The following DIAPH2 variants were observed in gnomAD, a reference collection of about 807,000 sequenced individuals.
DIAPH2 encodes the protein protein diaphanous homolog 2.
DIAPH2 carries 35 observed loss-of-function variants against 92.7 expected under a neutral mutation model. The observed-to-expected ratio is 0.38, with a 90% CI of 0.29 to 0.50. The LOEUF is 0.50. Among genes scored for constraint, DIAPH2 ranks in the 20% least tolerant of loss-of-function variants. The pLI, the probability that DIAPH2 is intolerant of heterozygous loss-of-function variation, is 0.94. For missense variants in DIAPH2, 701 were observed against 819.5 expected (o/e 0.86, Z 1.77); for synonymous variants, 301 against 280.4 (o/e 1.07, Z -0.73).
At chrX:96,939,506 ATATATGTATG>A in intron 12 of DIAPH2, 124 bp downstream of exon 12, 2 of 67,006 alleles carry the variant, frequency 3.0e-5, no homozygotes, top group Admixed American at 1.7e-4. Context: ...ATATGTATAT[ATATATGTATG>A]TATATATATA....
chrX:97,337,125 CTTTTCT>C (rs1486146904), intron 23 of DIAPH2, among the ~76,000 whole-genome samples: 2 of 104,982 alleles, frequency 1.9e-5, no homozygotes, highest in Admixed American at 1.0e-4. Flanking sequence ...TTCTTTCTTT[CTTTTCT>C]TTTTTTTTTT....
At position 96,942,090 on chromosome X, in the gene DIAPH2, C is replaced by T; in HGVS notation, c.1398C>T (p.Asp466=). Residue 466 remains aspartate, a synonymous_variant, in exon 13 of 27, where the codon GAC becomes GAT. Transcript: ENST00000324765. ...TACACTGCAGTGGTATGGATCCAGA[C>T]TTCAAATACAGGCAAAGATTAGACA... ...IVLHCSGMDP[D]FKYRQRLDID... The T allele has an allele frequency of 8.4e-7, 1 of 1,188,035 alleles. No individual in the cohort carries two copies. Among genetic ancestry groups the T allele is most frequent in the Non-Finnish European group, 1.1e-6 (1 of 874,431 alleles).
intron 24 of DIAPH2, among the ~76,000 whole-genome samples, chrX:97,379,313 A>G (rs2147727955): frequency 8.9e-6 from 1 of 112,102 alleles, no homozygotes; most frequent in Non-Finnish European, 1.9e-5. Context: ...AAAATAAGTC[A>G]TTGAAAACAG....
chrX:96,690,989 TTC>T (rs1432162576), intron 1 of DIAPH2, among the ~76,000 whole-genome samples: 1 of 112,233 alleles, frequency 8.9e-6, no homozygotes, highest in Non-Finnish European at 1.9e-5. Flanking sequence ...TCAATTTTTC[TTC>T]TTTTGTTCCT....
Position 96,854,629 on chromosome X carries a change from A to AC in DIAPH2, c.448-26950_448-26949insC, listed in dbSNP as rs1391306995. Among the ~76,000 whole-genome samples the AC allele has an allele frequency of 5.0e-5, 4 of 80,020 alleles. 1 individual carries two copies. The Admixed American group carries it at 5.8e-4, about 12-fold the overall frequency. 69.5% of individuals were successfully genotyped at this position (80,020 alleles called of 115,157 possible). A position where few individuals can be genotyped will look rare whatever the true frequency, so the allele number is the denominator to read the frequency against. On this transcript the variant is annotated intron_variant, in intron 4 of 26. Coordinates refer to ENST00000324765, the MANE Select transcript of DIAPH2 (RefSeq NM_006729.5). ...TATATATATATATATATATATATATATATATATATATATCCATCTGATAGC... is the reference window on the plus strand; with the variant it reads ...TATATATATATATATATATATATATACTATATATATATATCCATCTGATAGC...
chrX:96,708,028 T>C (rs1477315078), intron 1 of DIAPH2, among the ~76,000 whole-genome samples: 3 of 111,448 alleles, frequency 2.7e-5, no homozygotes, highest in Non-Finnish European at 5.7e-5. Context: ...ATTAATAGCA[T>C]GTGTCTGAGC....
At chrX:96,916,017 C>T (rs913282720) in intron 7 of DIAPH2, among the ~76,000 whole-genome samples, 1 of 111,646 alleles carries the variant, frequency 9.0e-6, no homozygotes, top group Non-Finnish European at 1.9e-5. Context: ...AAAAATTTCT[C>T]TTTTTCTTCA....
chrX:97,143,289 GTA>G (rs750633216), intron 22 of DIAPH2, among the ~76,000 whole-genome samples: 11 of 108,563 alleles, frequency 1.0e-4, no homozygotes, highest in Non-Finnish European at 1.1e-4. Context: ...AATTTGAAAT[GTA>G]TATATATATA....
At chrX:97,509,197 C>A (rs1171282608) in intron 26 of DIAPH2, among the ~76,000 whole-genome samples, 1 of 108,737 alleles carries the variant, frequency 9.2e-6, no homozygotes, top group Non-Finnish European at 1.9e-5. Flanking sequence ...CAGATGTGCA[C>A]CACCATGCCT....
chrX:97,409,898 G>A (rs1164430157), intron 25 of DIAPH2, among the ~76,000 whole-genome samples: 1 of 112,649 alleles, frequency 8.9e-6, no homozygotes, highest in Non-Finnish European at 1.9e-5. Flanking sequence ...GCCCACCTCA[G>A]CTCTGCAAGG....
At chrX:97,323,772 G>A (rs2068925168) in intron 23 of DIAPH2, among the ~76,000 whole-genome samples, 1 of 105,404 alleles carries the variant, frequency 9.5e-6, no homozygotes, top group Non-Finnish European at 1.9e-5. Flanking sequence ...GAGTGGTGGC[G>A]CATGCCTGTA....
At chrX:97,445,923 C>A (rs769540151) in intron 26 of DIAPH2, among the ~76,000 whole-genome samples, 20 of 109,645 alleles carry the variant, frequency 1.8e-4, no homozygotes, top group Non-Finnish European at 2.8e-4. Flanking sequence ...GGAAAAAAAA[C>A]CAAGAGCGAC....
At chrX:97,529,716 C>G (rs2071047288) in intron 26 of DIAPH2, among the ~76,000 whole-genome samples, 1 of 111,453 alleles carries the variant, frequency 9.0e-6, no homozygotes, top group Non-Finnish European at 1.9e-5. Flanking sequence ...AAAGATGTGT[C>G]AGAGTGAAAC....
intron 25 of DIAPH2, among the ~76,000 whole-genome samples, chrX:97,416,855 A>C (rs1299253146): frequency 8.9e-6 from 1 of 111,907 alleles, no homozygotes; most frequent in African/African-American, 3.3e-5. Context: ...AGTAACAGAC[A>C]CTCCCTCTTT....
chrX:97,521,458 A>G (rs1390997176), intron 26 of DIAPH2, among the ~76,000 whole-genome samples: 2 of 111,864 alleles, frequency 1.8e-5, no homozygotes, highest in Non-Finnish European at 3.8e-5. Flanking sequence ...TGGGACAGGA[A>G]GATTTTCATT....
chrX:96,719,398 G>C (rs969136975), intron 1 of DIAPH2, among the ~76,000 whole-genome samples: 6 of 112,130 alleles, frequency 5.4e-5, no homozygotes, highest in Non-Finnish European at 9.4e-5. Context: ...ATGTTTTCTT[G>C]TAACAGTTTC....
chrX:96,952,072 C>G (rs1247830689), intron 15 of DIAPH2, among the ~76,000 whole-genome samples: 3 of 111,508 alleles, frequency 2.7e-5, no homozygotes, highest in African/African-American at 6.5e-5. Flanking sequence ...ATTTTCTGAA[C>G]CTTTAATTTT....
chrX:97,545,506 C>T (rs1450393681), intron 26 of DIAPH2, among the ~76,000 whole-genome samples: 1 of 62,335 alleles, frequency 1.6e-5, no homozygotes, highest in Admixed American at 2.3e-4. Flanking sequence ...AGAAGTGGCT[C>T]TTTTTTAAGT....
At chrX:96,770,454 G>A (rs780359533) in intron 4 of DIAPH2, among the ~76,000 whole-genome samples, 2 of 111,440 alleles carry the variant, frequency 1.8e-5, no homozygotes, top group African/African-American at 3.3e-5. Context: ...AATATGTTCT[G>A]TGAAAAAAGA....
Sources: allele counts gnomAD v4.1 joint callset (sites outside exome capture counted in the v4.1 genomes callset), GRCh38; gene constraint gnomAD v4.1.1; transcripts MANE v1.5; gene names NCBI Gene and HGNC (gene_info 2026-07-23, HGNC 2026-07-21).